The following ENTREP2 variants were observed in gnomAD, a reference collection of about 807,000 sequenced individuals.
ENTREP2 encodes endosomal transmembrane epsin interactor 2, also known as protein ENTREP2.
the ENTREP2 span, among the ~76,000 whole-genome samples, chr15:29,170,972 G>A: frequency 6.6e-6 from 1 of 152,306 alleles, no homozygotes; most frequent in Admixed American, 6.5e-5. Context: ...CCAGCATCTG[G>A]TGGGGGTCCT....
chr15:29,172,402 C>T, the ENTREP2 span, among the ~76,000 whole-genome samples: 1 of 152,120 alleles, frequency 6.6e-6, no homozygotes, highest in African/African-American at 2.4e-5. Context: ...AAGTGTCAGA[C>T]AGGAAGGGAA....
chr15:29,136,885 G>A, the ENTREP2 span: 537,322 of 736,048 alleles, frequency 0.73, 196,763 homozygotes, highest in South Asian at 0.76. Flanking sequence ...AAGGTGCCAC[G>A]GGGAACGCTG....
the ENTREP2 span, among the ~76,000 whole-genome samples, chr15:29,138,585 G>GCA: frequency 1.2e-4 from 18 of 151,912 alleles, no homozygotes; most frequent in South Asian, 4.2e-4. Context: ...ATGTGCATGT[G>GCA]TCTGTGTATA....
At chr15:29,367,935 C>T in the ENTREP2 span, among the ~76,000 whole-genome samples, 1 of 145,334 alleles carries the variant, frequency 6.9e-6, no homozygotes, top group Non-Finnish European at 1.5e-5. Context: ...AGTGAAAATG[C>T]CCAGTTTTCA....
At chr15:29,491,246 G>A in the ENTREP2 span, among the ~76,000 whole-genome samples, 652 of 152,190 alleles carry the variant, frequency 4.3e-3, 8 homozygotes, top group African/African-American at 0.015. Context: ...GTTCCTGCCC[G>A]CACCCCTCCC....
chr15:29,469,230 C>T, the ENTREP2 span, among the ~76,000 whole-genome samples: 4 of 152,136 alleles, frequency 2.6e-5, no homozygotes, highest in Admixed American at 2.6e-4. Context: ...GACAGAGTTT[C>T]GCTCTGTCGC....
chr15:29,355,064 G>A, the ENTREP2 span, among the ~76,000 whole-genome samples: 2 of 152,064 alleles, frequency 1.3e-5, no homozygotes, highest in Non-Finnish European at 2.9e-5. Flanking sequence ...GAAAGGACCA[G>A]TGCCTGCATT....
At chr15:29,158,494 C>T in the ENTREP2 span, among the ~76,000 whole-genome samples, 4 of 151,344 alleles carry the variant, frequency 2.6e-5, no homozygotes, top group African/African-American at 4.9e-5. Flanking sequence ...CAACCTCCAC[C>T]TCCCGGGTTC....
the ENTREP2 span, among the ~76,000 whole-genome samples, chr15:29,557,105 C>T: frequency 6.6e-6 from 1 of 152,280 alleles, no homozygotes; most frequent in Admixed American, 6.5e-5. Flanking sequence ...CAAACACTGC[C>T]GGTCATGTGT....
At chr15:29,588,452 A>C in the ENTREP2 span, among the ~76,000 whole-genome samples, 1 of 151,492 alleles carries the variant, frequency 6.6e-6, no homozygotes, top group Admixed American at 6.6e-5. Context: ...TGGGCAGCAG[A>C]GCAAGACTCT....
chr15:29,540,049 T>C, the ENTREP2 span, among the ~76,000 whole-genome samples: 2 of 152,074 alleles, frequency 1.3e-5, no homozygotes, highest in Non-Finnish European at 2.9e-5. Flanking sequence ...TGGGGATCAC[T>C]CAGTTTGGGT....
the ENTREP2 span, among the ~76,000 whole-genome samples, chr15:29,363,889 C>G: frequency 1.3e-5 from 2 of 152,188 alleles, no homozygotes; most frequent in Admixed American, 1.3e-4. Context: ...ATGAATCAAA[C>G]TCCACAGGAC....
chr15:29,247,257 A>G, the ENTREP2 span, among the ~76,000 whole-genome samples: 1 of 152,220 alleles, frequency 6.6e-6, no homozygotes, highest in Admixed American at 6.5e-5. Context: ...CTGGAATGGA[A>G]AGACATGGTA....
the ENTREP2 span, among the ~76,000 whole-genome samples, chr15:29,426,289 T>A: frequency 2.0e-5 from 3 of 152,182 alleles, no homozygotes; most frequent in African/African-American, 4.8e-5. Context: ...AACCTGTTCC[T>A]TCTAAAATAT....
chr15:29,573,959 A>T, the ENTREP2 span, among the ~76,000 whole-genome samples: 1 of 152,186 alleles, frequency 6.6e-6, no homozygotes, highest in Non-Finnish European at 1.5e-5. Context: ...TAGGGAGATA[A>T]AAGTAGTTAA....
At chr15:29,356,037 T>C in the ENTREP2 span, among the ~76,000 whole-genome samples, 1 of 151,964 alleles carries the variant, frequency 6.6e-6, no homozygotes. Context: ...GAGGCAATGT[T>C]CTCTGTTCCA....
the ENTREP2 span, among the ~76,000 whole-genome samples, chr15:29,455,179 C>T: frequency 3.3e-5 from 5 of 152,144 alleles, no homozygotes; most frequent in South Asian, 8.3e-4. Context: ...AGCCCATCAC[C>T]CCTGCTCACC....
chr15:29,584,855 A>G, the ENTREP2 span, among the ~76,000 whole-genome samples: 261 of 152,330 alleles, frequency 1.7e-3, no homozygotes, highest in South Asian at 3.5e-3. Context: ...TGATGGATGT[A>G]TTAATTTACT....
At chr15:29,177,640 C>A in the ENTREP2 span, among the ~76,000 whole-genome samples, 1 of 152,150 alleles carries the variant, frequency 6.6e-6, no homozygotes, top group Non-Finnish European at 1.5e-5. Flanking sequence ...GTGCCCTGGC[C>A]AGCATCTGGA....
Sources: allele counts gnomAD v4.1 joint callset (sites outside exome capture counted in the v4.1 genomes callset), GRCh38; gene constraint gnomAD v4.1.1; transcripts MANE v1.5; gene names NCBI Gene and HGNC (gene_info 2026-07-23, HGNC 2026-07-21).